MIPEP: variants seen among roughly 807,000 people sequenced by gnomAD.
The protein encoded by MIPEP is mitochondrial intermediate peptidase.
A neutral mutation model predicts 90.3 loss-of-function variants in MIPEP; 79 were observed. That is an observed-to-expected ratio of 0.87 (90% CI 0.73 to 1.05). The LOEUF is 1.05. Ranked by LOEUF, MIPEP falls within the 50% of genes least tolerant of loss-of-function variation. The probability of loss-of-function intolerance (pLI) is 0.00; values close to 1 mark genes in which losing one functional copy is unlikely to be tolerated. For missense variants in MIPEP, 940 were observed against 905.6 expected (o/e 1.04, Z -0.49); for synonymous variants, 334 against 315.8 (o/e 1.06, Z -0.61).
In MIPEP at chr13:23,858,870, G is replaced by C. The variant is rs149545169; in HGVS notation, c.1096C>G (p.Arg366Gly). 2 of 1,613,232 alleles carry C rather than the reference G, an allele frequency of 1.2e-6. No individual in the cohort carries two copies. The highest frequency in any genetic ancestry group is 1.7e-6 in the Non-Finnish European group (2 of 1,179,508). ...TCTTGAAAAACTTACCTTTCTGCAC[G>C]AATCACACCACTGTAGTAAGGGGGG... is the stretch of plus-strand genomic sequence containing the variant. ...WDPPYYSGVI[R>G]AERYNIEPSL... is the part of the protein sequence containing the mutation. The change falls in exon 10 of 19, where the codon CGT (arginine) becomes GGT (glycine). Residue 366 changes from arginine (R) to glycine (G), a missense_variant. Physicochemically the swap from Arg to Gly is moderately radical, Grantham distance 125. Coordinates refer to ENST00000382172, the MANE Select transcript of MIPEP (RefSeq NM_005932.4).
intron 4 of MIPEP, among the ~76,000 whole-genome samples, chr13:23,876,793 CAAGA>C: frequency 6.6e-6 from 1 of 152,204 alleles, no homozygotes. Context: ...TGTATCATGC[CAAGA>C]AAGACCTTCC....
At chr13:23,860,058 A>T (rs1005023014) in intron 9 of MIPEP, among the ~76,000 whole-genome samples, 7 of 152,162 alleles carry the variant, frequency 4.6e-5, no homozygotes, top group Non-Finnish European at 8.8e-5. Context: ...CTAGATGCAG[A>T]CAGAGTGCAG....
At chr13:23,742,126 G>A (rs979832420) in intron 18 of MIPEP, among the ~76,000 whole-genome samples, 1 of 152,222 alleles carries the variant, frequency 6.6e-6, no homozygotes, top group Admixed American at 6.5e-5. Flanking sequence ...ATTTGGGGCT[G>A]AATGGAACAT....
rs554152039 is a variant in MIPEP, at chr13:23,806,152, C to A, written c.1729-83G>T. The A allele has an allele frequency of 6.4e-6, 9 of 1,400,120 alleles. No homozygotes were observed. In the Admixed American group the frequency reaches 9.0e-5, roughly 14 times the overall value. The allele number at this position is 1,400,120 out of a possible 1,614,324, so 86.7% of individuals were successfully genotyped here. ...GTTGACCAAAGATGCTATAAGTGCA[C>A]CAGAACAACAGTTACCAATCACAGT... On this transcript the variant is annotated intron_variant, in intron 15 of 18. Transcript: ENST00000382172.
intron 16 of MIPEP, among the ~76,000 whole-genome samples, chr13:23,778,330 T>A (rs1355841551): frequency 1.3e-5 from 2 of 152,176 alleles, no homozygotes; most frequent in Admixed American, 1.3e-4. Flanking sequence ...CTTTTATAAT[T>A]ATTAAATATA....
At chr13:23,874,212 C>T (rs967975873) in intron 5 of MIPEP, among the ~76,000 whole-genome samples, 23 of 152,214 alleles carry the variant, frequency 1.5e-4, no homozygotes, top group African/African-American at 5.5e-4. Context: ...TGTCAAGTCC[C>T]TCCTGTTCTT....
intron 8 of MIPEP, among the ~76,000 whole-genome samples, chr13:23,862,815 T>C (rs1349877947): frequency 6.6e-6 from 1 of 152,190 alleles, no homozygotes; most frequent in Non-Finnish European, 1.5e-5. Context: ...GTATTTAATA[T>C]TTGTAGAATA....
intron 10 of MIPEP, among the ~76,000 whole-genome samples, chr13:23,850,718 C>G: frequency 6.6e-6 from 1 of 152,232 alleles, no homozygotes; most frequent in East Asian, 1.9e-4. Context: ...GGGGCCAAAT[C>G]TCACTACAGC....
chr13:23,780,585 C>T (rs538198712), intron 16 of MIPEP, among the ~76,000 whole-genome samples: 31 of 152,160 alleles, frequency 2.0e-4, no homozygotes, highest in Admixed American at 4.6e-4. Context: ...TCACCAGCAA[C>T]GGAATAAAGC....
chr13:23,874,717 A>T, intron 5 of MIPEP, 129 bp downstream of exon 5: 1 of 706,922 alleles, frequency 1.4e-6, no homozygotes, highest in East Asian at 2.9e-5. Context: ...GAATTTCATA[A>T]CAGATAAAAG....
chr13:23,887,990 C>A, intron 1 of MIPEP: 1 of 344,102 alleles, frequency 2.9e-6, no homozygotes. Context: ...GGAATTCTAA[C>A]TATCGGATTA....
At position 23,874,827 on chromosome 13, in the gene MIPEP, A is replaced by T. The variant is rs779035385; in HGVS notation, c.603+19T>A. 6.4e-6 allele frequency: 10 copies of T among 1,573,844 alleles called. 1 individual carries two copies. The highest frequency in any genetic ancestry group is 1.7e-4 in the Middle Eastern group (1 of 5,890). On this transcript the variant is annotated intron_variant, in intron 5 of 18. Coordinates refer to ENST00000382172, the MANE Select transcript of MIPEP (RefSeq NM_005932.4). ...GTTAGTAAAACTGGAAGAGTCAAAA[A>T]AACAGCAGAAAGATGTACCTTTTCT...
At chr13:23,798,999 G>GATT (rs1952998531) in intron 16 of MIPEP, among the ~76,000 whole-genome samples, 1 of 115,528 alleles carries the variant, frequency 8.7e-6, no homozygotes, top group African/African-American at 3.3e-5. Context: ...TAATTTTTTT[G>GATT]GTTTTTTTTT....
chr13:23,882,162 C>T (rs1334411858), intron 2 of MIPEP, among the ~76,000 whole-genome samples: 4 of 151,130 alleles, frequency 2.6e-5, no homozygotes, highest in African/African-American at 4.9e-5. Context: ...CTCCGCCTCT[C>T]GGGTTCACGC....
At chr13:23,732,146 G>A (rs1414567852) in intron 18 of MIPEP, among the ~76,000 whole-genome samples, 1 of 151,650 alleles carries the variant, frequency 6.6e-6, no homozygotes, top group Non-Finnish European at 1.5e-5. Context: ...GTGCCACCAT[G>A]CCCAGCTAGT....
At chr13:23,801,791 C>T (rs1471551518) in intron 16 of MIPEP, among the ~76,000 whole-genome samples, 1 of 152,154 alleles carries the variant, frequency 6.6e-6, no homozygotes, top group African/African-American at 2.4e-5. Flanking sequence ...AGTATTCCAG[C>T]TGTATGAACA....
intron 3 of MIPEP, among the ~76,000 whole-genome samples, chr13:23,881,011 C>T (rs777193601): frequency 1.4e-4 from 21 of 152,228 alleles, no homozygotes; most frequent in African/African-American, 3.1e-4. Flanking sequence ...TGGAATACAG[C>T]GCTGTCCACC....
chr13:23,879,374 A>C lies in MIPEP; in HGVS notation c.453-20T>G. 7.8e-7 allele frequency: 1 copy of C among 1,288,512 alleles called. No homozygotes were observed. Among genetic ancestry groups the C allele is most frequent in the Non-Finnish European group, 1.1e-6 (1 of 894,124 alleles). 79.8% of individuals were successfully genotyped at this position (1,288,512 alleles called of 1,614,324 possible). A position where few individuals can be genotyped will look rare whatever the true frequency, so the allele number is the denominator to read the frequency against. On this transcript the variant is annotated intron_variant, in intron 3 of 18. Transcript: ENST00000382172. ...TTCAACCTAGAAAAAATAGAAATTT[A>C]AAAAATTAGATGATTTTCTAATACC...
chr13:23,776,628 G>A (rs981134183), intron 16 of MIPEP, among the ~76,000 whole-genome samples: 3 of 152,148 alleles, frequency 2.0e-5, no homozygotes, highest in African/African-American at 7.2e-5. Context: ...AATAAAAGTT[G>A]TGGTTTTAGT....
Sources: gnomAD v4.1 joint callset for allele counts (sites outside exome capture counted in the v4.1 genomes callset) on GRCh38, gnomAD v4.1.1 for gene constraint, MANE v1.5 for transcripts, NCBI Gene and HGNC (gene_info 2026-07-23, HGNC 2026-07-21) for gene names.